The following KIAA0586 variants were observed in gnomAD, a reference collection of about 807,000 sequenced individuals.
KIAA0586 encodes the protein KIAA0586.
In KIAA0586, 144 loss-of-function variants were observed where a neutral mutation model predicts 169.8. That is an observed-to-expected ratio of 0.85 (90% CI 0.74 to 0.97). The LOEUF is 0.97. Among genes scored for constraint, KIAA0586 ranks in the 50% least tolerant of loss-of-function variants. The pLI is 0.00. For missense variants in KIAA0586, 1,854 were observed against 1,823.0 expected, an observed-to-expected ratio of 1.02 and a Z score of -0.31; for synonymous variants, 625 against 612.4, an observed-to-expected ratio of 1.02 and a Z score of -0.30.
chr14:58,522,878 G>A (rs1454301054), intron 29 of KIAA0586, among the ~76,000 whole-genome samples: 1 of 152,148 alleles, frequency 6.6e-6, no homozygotes, highest in Non-Finnish European at 1.5e-5. Context: ...TACATTTTAT[G>A]TGAGGATGTT....
In KIAA0586 at chr14:58,487,169, A is replaced by T. The variant is rs191947861; in HGVS notation, c.3304+3A>T. 6.2e-7 allele frequency: 1 copy of T among 1,607,946 alleles called. No individual in the cohort carries two copies. The highest frequency in any genetic ancestry group is 1.3e-5 in the African/African-American group (1 of 74,740). On this transcript the variant is annotated splice_donor_region_variant and intron_variant, in intron 22 of 30. Coordinates refer to ENST00000652326, the MANE Select transcript of KIAA0586 (RefSeq NM_001329943.3). ...GAAAGAAATATGTGCTGAAAAAGGT[A>T]GAAACTTTATTTCTATAACTCGGTT...
intron 4 of KIAA0586, among the ~76,000 whole-genome samples, chr14:58,432,787 G>A (rs1040725446): frequency 6.6e-5 from 10 of 152,088 alleles, no homozygotes; most frequent in African/African-American, 2.2e-4. Context: ...GCACAATCTC[G>A]GCTCACTGCA....
chr14:58,463,992 C>T (rs1479534250), intron 14 of KIAA0586: 13 of 454,982 alleles, frequency 2.9e-5, no homozygotes, highest in Non-Finnish European at 5.4e-5. Flanking sequence ...GTGGTGTAGA[C>T]ACCCCTGCAG....
At chr14:58,543,212 A>G (rs1451265796) in intron 30 of KIAA0586, among the ~76,000 whole-genome samples, 2 of 151,326 alleles carry the variant, frequency 1.3e-5, no homozygotes, top group Admixed American at 1.3e-4. Flanking sequence ...TGGGGTTCAG[A>G]GAAGTTACGT....
At chr14:58,542,816 T>C (rs968746814) in intron 30 of KIAA0586, among the ~76,000 whole-genome samples, 25 of 152,136 alleles carry the variant, frequency 1.6e-4, no homozygotes, top group African/African-American at 6.0e-4. Flanking sequence ...TAAAACACTT[T>C]GTATGTATTA....
intron 15 of KIAA0586, among the ~76,000 whole-genome samples, chr14:58,467,392 A>G (rs2040850953): frequency 6.6e-6 from 1 of 152,196 alleles, no homozygotes; most frequent in Non-Finnish European, 1.5e-5. Context: ...CAACAAGTAC[A>G]CTGTACTACC....
Position 58,441,286 on chromosome 14 carries a change from A to G in KIAA0586, c.411-1420A>G, listed in dbSNP as rs1037899594. On this transcript the variant is annotated intron_variant, in intron 4 of 30. Transcript: ENST00000652326. ...GTGATCACAACTCACTGCAGTCTCTACCTCCTCAGGCTCATGAGATCCTCC... is the reference window on the plus strand; with the variant it reads ...GTGATCACAACTCACTGCAGTCTCTGCCTCCTCAGGCTCATGAGATCCTCC... The G allele has an allele frequency of 6.8e-6, 3 of 440,820 alleles. No individual in the cohort carries two copies. Among genetic ancestry groups the G allele is most frequent in the Admixed American group, 5.0e-5 (2 of 40,350 alleles). 27.3% of individuals were successfully genotyped at this position (440,820 alleles called of 1,614,324 possible).
chr14:58,546,709 C>G (rs1319698379), intron 30 of KIAA0586, among the ~76,000 whole-genome samples: 1 of 152,114 alleles, frequency 6.6e-6, no homozygotes, highest in African/African-American at 2.4e-5. Context: ...CATACACTTA[C>G]GTAGTCAACT....
At position 58,549,013 on chromosome 14, in the gene KIAA0586, A is replaced by G. The variant is rs2047136802; in HGVS notation, c.*1081A>G. ...CCCAGCACAGTGCTTGATACCATGT[A>G]AGTGCTCAATAAATGGTGTTGTTCT... On this transcript the variant is annotated 3_prime_UTR_variant, in exon 31 of 31. Transcript: ENST00000652326. The G allele has an allele frequency of 6.6e-6, 1 of 152,148 alleles. No homozygotes were observed. Among genetic ancestry groups the G allele is most frequent in the African/African-American group, 2.4e-5 (1 of 41,428 alleles). 9.4% of individuals were successfully genotyped at this position (152,148 alleles called of 1,614,324 possible).
Position 58,470,624 on chromosome 14 carries a change from T to A in KIAA0586, c.2454T>A (p.Ser818Arg), listed in dbSNP as rs1353768674. 3.1e-6 allele frequency: 5 copies of A among 1,591,872 alleles called. No individual in the cohort carries two copies. Among genetic ancestry groups the A allele is most frequent in the Admixed American group, 1.7e-5 (1 of 59,914 alleles). ...PPQLTVQVLP[S>R]VDIDSISNSS... is the part of the protein sequence containing the mutation. ...GTATTCTGTTTTAGGTATTACCCAG[T>A]GTAGATATTGACAGCATTTCAAATA... Residue 818 changes from serine (S) to arginine (R), a missense_variant, in exon 17 of 31, where the codon AGT (serine) becomes AGA (arginine). Ser to Arg is a moderately radical substitution (Grantham distance 110, BLOSUM62 -1). Transcript: ENST00000652326.
intron 14 of KIAA0586, among the ~76,000 whole-genome samples, chr14:58,461,372 G>A (rs1379610981): frequency 6.6e-6 from 1 of 152,086 alleles, no homozygotes; most frequent in Non-Finnish European, 1.5e-5. Flanking sequence ...GGGAAGAAAT[G>A]TAGGATTAAA....
At chr14:58,552,184 A>G (rs1347650373), downstream of KIAA0586, among the ~76,000 whole-genome samples, 5 of 152,338 alleles carry the variant, frequency 3.3e-5, no homozygotes, top group East Asian at 7.7e-4. Flanking sequence ...TTAGAAATGC[A>G]CTAGAGAAAA....
chr14:58,508,748 G>A, intron 28 of KIAA0586, 39 bp downstream of exon 28: 1 of 1,504,924 alleles, frequency 6.6e-7, no homozygotes, highest in Middle Eastern at 1.7e-4. Flanking sequence ...CTTAAAATGA[G>A]AATTGAAACA....
chr14:58,485,461 A>G (rs2042378019), intron 21 of KIAA0586, among the ~76,000 whole-genome samples: 1 of 152,194 alleles, frequency 6.6e-6, no homozygotes, highest in South Asian at 2.1e-4. Flanking sequence ...AAAATCTTGT[A>G]GTAGGAAATC....
At chr14:58,521,185 CA>C (rs980654342) in intron 29 of KIAA0586, 2 of 726,198 alleles carry the variant, frequency 2.8e-6, no homozygotes, top group African/African-American at 3.6e-5. Context: ...TCTTCAGCTA[CA>C]TTTTTGGCTT....
At chr14:58,484,888 A>ATTTATATATATATATTTTTATATATATT (rs1555391459) in intron 21 of KIAA0586, among the ~76,000 whole-genome samples, 1 of 18,490 alleles carries the variant, frequency 5.4e-5, no homozygotes. Context: ...TTATATATAT[A>ATTTATATATATATATTTTTATATATATT]TTTATATATA....
At chr14:58,454,436 AAG>A (rs1171957244) in intron 9 of KIAA0586, among the ~76,000 whole-genome samples, 8 of 152,212 alleles carry the variant, frequency 5.3e-5, no homozygotes, top group Admixed American at 3.3e-4. Flanking sequence ...AGGAAAAGAA[AAG>A]AGATATGAAC....
intron 7 of KIAA0586, among the ~76,000 whole-genome samples, chr14:58,449,210 T>G (rs1361242115): frequency 6.6e-6 from 1 of 152,200 alleles, no homozygotes; most frequent in Admixed American, 6.5e-5. Context: ...CATTAAAGAT[T>G]GCTCATGCTT....
chr14:58,442,616 C>T, intron 4 of KIAA0586, 90 bp from the exon 5 acceptor site: 1 of 978,930 alleles, frequency 1.0e-6, no homozygotes, highest in Non-Finnish European at 1.4e-6. Context: ...AAATCAAAAC[C>T]ACCTTCGGCA....
Sources: gnomAD v4.1 joint callset for allele counts (sites outside exome capture counted in the v4.1 genomes callset) on GRCh38, gnomAD v4.1.1 for gene constraint, MANE v1.5 for transcripts, NCBI Gene and HGNC (gene_info 2026-07-23, HGNC 2026-07-21) for gene names.